CDC42BPB: variants seen among roughly 807,000 people sequenced by gnomAD.
The protein encoded by CDC42BPB is serine/threonine-protein kinase MRCK beta.
In CDC42BPB, 37 loss-of-function variants were observed where a neutral mutation model predicts 214.9. That is an observed-to-expected ratio of 0.17 (90% confidence interval 0.13 to 0.23). The LOEUF (loss-of-function observed/expected upper bound fraction) is 0.23. Ranked by LOEUF, CDC42BPB falls within the 10% of genes least tolerant of loss-of-function variation. The pLI, the probability that CDC42BPB is intolerant of heterozygous loss-of-function variation, is 1.00. For missense variants in CDC42BPB, 1,694 were observed against 2,227.0 expected, an observed-to-expected ratio of 0.76 and a Z score of 4.82; for synonymous variants, 931 against 884.0, an observed-to-expected ratio of 1.05 and a Z score of -0.94.
intron 5 of CDC42BPB, among the ~76,000 whole-genome samples, chr14:102,997,075 A>G (rs190492507): frequency 3.9e-5 from 6 of 152,136 alleles, no homozygotes; most frequent in Non-Finnish European, 7.4e-5. Context: ...GAAGAGCTAT[A>G]ACTCAGCAGC....
intron 1 of CDC42BPB, among the ~76,000 whole-genome samples, chr14:103,037,553 A>C (rs1275172341): frequency 6.6e-6 from 1 of 152,176 alleles, no homozygotes; most frequent in Non-Finnish European, 1.5e-5. Flanking sequence ...GTACTTGCCA[A>C]ATGTACCTTT....
chr14:102,942,273 C>A (rs919907967), intron 30 of CDC42BPB, among the ~76,000 whole-genome samples: 8 of 152,192 alleles, frequency 5.3e-5, no homozygotes, highest in Non-Finnish European at 1.0e-4. Flanking sequence ...GGAGCCGGGA[C>A]ACACTGCAGT....
At chr14:102,965,848 C>T (rs1230804856) in intron 18 of CDC42BPB, among the ~76,000 whole-genome samples, 2 of 151,940 alleles carry the variant, frequency 1.3e-5, no homozygotes, top group Admixed American at 6.6e-5. Context: ...CCCAGCTACT[C>T]GGGGGGGCTG....
chr14:102,980,663 C>A (rs1322393883), intron 8 of CDC42BPB, 110 bp downstream of exon 8: 4 of 1,076,340 alleles, frequency 3.7e-6, no homozygotes, highest in African/African-American at 1.6e-5. Context: ...GTCTTAAGTG[C>A]CAAATTTCAC....
At chr14:102,963,790 T>C (rs562661995) in intron 19 of CDC42BPB, among the ~76,000 whole-genome samples, 1 of 152,336 alleles carries the variant, frequency 6.6e-6, no homozygotes, top group South Asian at 2.1e-4. Flanking sequence ...CAATTCCCAG[T>C]ATAAAGAAAG....
intron 21 of CDC42BPB, among the ~76,000 whole-genome samples, chr14:102,955,041 C>G (rs1310197431): frequency 6.6e-6 from 1 of 152,220 alleles, no homozygotes; most frequent in Non-Finnish European, 1.5e-5. Flanking sequence ...CCTCCTTGCC[C>G]CGGTCACTGA....
At chr14:102,980,361 C>T (rs548886654) in intron 8 of CDC42BPB, among the ~76,000 whole-genome samples, 2 of 152,198 alleles carry the variant, frequency 1.3e-5, no homozygotes, top group South Asian at 2.1e-4. Flanking sequence ...GGCATGGTGG[C>T]GCATGCCTGT....
intron 36 of CDC42BPB, 43 bp downstream of exon 36, chr14:102,938,060 AG>A (rs1225897878): frequency 6.3e-7 from 1 of 1,595,522 alleles, no homozygotes; most frequent in South Asian, 1.1e-5. Flanking sequence ...TTCCTCCTGC[AG>A]TGGTGGCTCA....
At chr14:103,022,759 G>A (rs138631708) in intron 1 of CDC42BPB, among the ~76,000 whole-genome samples, 2,633 of 152,196 alleles carry the variant, frequency 0.017, 45 homozygotes, top group Non-Finnish European at 0.029. Flanking sequence ...ATTCTAGGGT[G>A]ACAAAATAAA....
intron 1 of CDC42BPB, among the ~76,000 whole-genome samples, chr14:103,054,547 G>A (rs1165448518): frequency 2.0e-5 from 3 of 152,132 alleles, no homozygotes; most frequent in East Asian, 1.9e-4. Context: ...GAAACAACCA[G>A]GCAATTCCAA....
rs142480880 is a variant in CDC42BPB, at chr14:103,017,122, G to C, written c.176-4934C>G. Among the ~76,000 whole-genome samples the C allele has an allele frequency of 2.7e-3, 417 of 152,308 alleles. 2 individuals carry two copies. The highest frequency in any genetic ancestry group is 9.7e-3 in the African/African-American group (404 of 41,566). ...GGACTGCTTGAGCCCAGGAGTTCAA[G>C]ACCAGCCTGGGCAACATGACAAGAC... On this transcript the variant is annotated intron_variant, in intron 1 of 36. Coordinates refer to ENST00000361246, the MANE Select transcript of CDC42BPB (RefSeq NM_006035.4).
rs750097209 is a variant in CDC42BPB, at chr14:102,971,964, G to A, written c.1839C>T (p.Asp613=). ...CTCTCCGCATTTCCTGCCGCATGGC[G>A]TCCACCTTCTGCGTGGCCACCTCCA... is the stretch of plus-strand genomic sequence containing the variant. The part of the protein sequence containing the change: ...EEMEVATQKV[D]AMRQEMRRAE... The change falls in exon 13 of 37, where the codon GAC becomes GAT. Residue 613 remains aspartate, a synonymous_variant. Coordinates refer to ENST00000361246, the MANE Select transcript of CDC42BPB (RefSeq NM_006035.4). 2.1e-5 allele frequency: 34 copies of A among 1,614,068 alleles called. No individual in the cohort carries two copies. The highest frequency in any genetic ancestry group is 1.1e-4 in the East Asian group (5 of 44,896).
chr14:102,976,895 A>G (rs2285014), intron 9 of CDC42BPB, among the ~76,000 whole-genome samples: 64,870 of 151,974 alleles, frequency 0.43, 14,654 homozygotes, highest in African/African-American at 0.56. Context: ...TATTAGAAAG[A>G]TCAAGAACCT....
intron 1 of CDC42BPB, among the ~76,000 whole-genome samples, chr14:103,037,217 A>C (rs1013625155): frequency 2.6e-5 from 4 of 152,228 alleles, no homozygotes; most frequent in African/African-American, 4.8e-5. Context: ...AATTATAATA[A>C]ACTCGGGGGA....
At chr14:102,977,573 G>A (rs1435084948) in intron 9 of CDC42BPB, among the ~76,000 whole-genome samples, 1 of 152,134 alleles carries the variant, frequency 6.6e-6, no homozygotes, top group Non-Finnish European at 1.5e-5. Context: ...AGGCCCATTT[G>A]GGACAGGGGC....
At position 102,971,418 on chromosome 14, in the gene CDC42BPB, A is replaced by C. The variant is rs536950011; in HGVS notation, c.1884+501T>G. 3.9e-5 allele frequency among the ~76,000 whole-genome samples: 6 copies of C among 152,336 alleles called. No individual in the cohort carries two copies. The East Asian group carries it at 1.2e-3, about 29-fold the overall frequency. The stretch of plus-strand genomic sequence containing the variant: ...GGTTGTAATCATTCCAACAGTGTCG[A>C]ATGGTGCTGAGCCAAGACACTTCAG... On this transcript the variant is annotated intron_variant, in intron 13 of 36. Coordinates refer to ENST00000361246, the MANE Select transcript of CDC42BPB (RefSeq NM_006035.4).
At chr14:102,997,692 T>C (rs2139586246) in intron 5 of CDC42BPB, among the ~76,000 whole-genome samples, 1 of 152,298 alleles carries the variant, frequency 6.6e-6, no homozygotes, top group East Asian at 1.9e-4. Flanking sequence ...GAAAAGCTAA[T>C]AAAAAGCAAG....
chr14:102,937,362 G>A (rs1331750880), intron 36 of CDC42BPB, among the ~76,000 whole-genome samples: 2 of 152,264 alleles, frequency 1.3e-5, no homozygotes, highest in Non-Finnish European at 2.9e-5. Context: ...AGGACTTCCA[G>A]AGGAAGAGAC....
At chr14:102,950,659 C>T (rs752104500) in intron 24 of CDC42BPB, 57 bp from the exon 25 acceptor site, 1 of 1,470,076 alleles carries the variant, frequency 6.8e-7, no homozygotes, top group South Asian at 1.4e-5. Flanking sequence ...GAAGTCACTG[C>T]AGAACCTATG....
Sources: gnomAD v4.1 joint callset for allele counts (sites outside exome capture counted in the v4.1 genomes callset) on GRCh38, gnomAD v4.1.1 for gene constraint, MANE v1.5 for transcripts, NCBI Gene and HGNC (gene_info 2026-07-23, HGNC 2026-07-21) for gene names.